The following CPD variants were observed in gnomAD, a reference collection of about 807,000 sequenced individuals.
CPD encodes carboxypeptidase D, also known as metallocarboxypeptidase D.
Under a neutral mutation model 138.3 loss-of-function variants are expected in CPD, and 69 were observed. That is an observed-to-expected ratio of 0.50 (90% CI 0.41 to 0.61). The LOEUF (loss-of-function observed/expected upper bound fraction) is 0.61. CPD is among the 20% of genes least tolerant of loss of function. The pLI, the probability that CPD is intolerant of heterozygous loss-of-function variation, is 0.00. For synonymous variants in CPD, 651 were observed against 642.1 expected, an observed-to-expected ratio of 1.01 and a Z score of -0.21; for missense variants, 1,432 against 1,733.3, an observed-to-expected ratio of 0.83 and a Z score of 3.09.
In CPD at chr17:30,464,734, T is replaced by C; in HGVS notation, c.4063T>C (p.Ser1355Pro). 6.2e-7 allele frequency: 1 copy of C among 1,613,954 alleles called. No individual in the cohort carries two copies. Among genetic ancestry groups the C allele is most frequent in the Non-Finnish European group, 8.5e-7 (1 of 1,179,906 alleles). The change falls in exon 21 of 21, where the codon TCC becomes CCC. Residue 1355 changes from serine to proline, a missense_variant. Transcript: ENST00000225719. ...EDEIRMMSTG[S>P]KKSLLSHEFQ... Reference sequence around the variant, plus strand: ...TGAAATTCGCATGATGTCTACCGGCTCCAAGAAGTCCCTCCTAAGCCATGA... The same window carrying C: ...TGAAATTCGCATGATGTCTACCGGCCCCAAGAAGTCCCTCCTAAGCCATGA...
intron 2 of CPD, among the ~76,000 whole-genome samples, chr17:30,397,498 C>T (rs1911539081): frequency 6.6e-6 from 1 of 151,810 alleles, no homozygotes; most frequent in African/African-American, 2.4e-5. Flanking sequence ...TTTGGGAGGC[C>T]GATGCAGAAG....
rs568335427 is a variant in CPD, at chr17:30,404,297, T to G, written c.995-16544T>G. ...GTCAAAATTCTTTTGAATCATTTAC[T>G]TAATACTTAAGTGAAAGGAAATTAT... On this transcript the variant is annotated intron_variant, in intron 2 of 20. Coordinates refer to ENST00000225719, the MANE Select transcript of CPD (RefSeq NM_001304.5). 2.0e-5 allele frequency among the ~76,000 whole-genome samples: 3 copies of G among 152,294 alleles called. No individual in the cohort carries two copies. In the East Asian group the frequency reaches 5.8e-4, roughly 29 times the overall value.
At position 30,379,007 on chromosome 17, in the gene CPD, G is replaced by T. The variant is rs1403310727; in HGVS notation, c.27G>T (p.Pro9=). MASGRDER[P]PWRLGRLLLL... is the part of the protein sequence containing the mutation. The stretch of plus-strand genomic sequence containing the variant: ...TGGCGAGCGGCCGGGACGAGCGGCC[G>T]CCTTGGCGGCTAGGGCGGCTCCTGT... Residue 9 remains proline (P), a synonymous_variant, in exon 1 of 21, where the codon CCG becomes CCT. Coordinates refer to ENST00000225719, the MANE Select transcript of CPD (RefSeq NM_001304.5). The surrounding 1 kb of genome is among the most constrained non-coding windows in gnomAD (Gnocchi z 7.0). 1.3e-6 allele frequency: 2 copies of T among 1,548,130 alleles called. No individual in the cohort carries two copies. Among genetic ancestry groups the T allele is most frequent in the African/African-American group, 1.4e-5 (1 of 70,140 alleles).
rs1242239716 is a variant in CPD at position 30,445,832 on chromosome 17, T to G, written c.2685T>G (p.Ser895Arg). The change falls in exon 12 of 21, where the codon AGT becomes AGG. Residue 895 changes from serine to arginine, a missense_variant. This residue lies in a region of CPD where 124 missense variants were observed against 117.0 expected (regional missense o/e 1.06). Transcript: ENST00000225719. ...KGASSSTNDA[S>R]DPTTKEFETL... ...CTAGCAGCAGCACCAATGATGCCAG[T>G]GATCCAACTACTAAAGAGTTTGAAA... The G allele has an allele frequency of 6.2e-7, 1 of 1,614,126 alleles. No homozygotes were observed. The highest frequency in any genetic ancestry group is 1.7e-5 in the Admixed American group (1 of 59,974).
chr17:30,391,305 A>G (rs1316903381), intron 2 of CPD, among the ~76,000 whole-genome samples: 3 of 152,152 alleles, frequency 2.0e-5, no homozygotes, highest in African/African-American at 7.2e-5. Context: ...CTTTTAAGCC[A>G]TGGCGTGTGC....
chr17:30,395,198 T>A (rs1468515007), intron 2 of CPD, among the ~76,000 whole-genome samples: 1 of 144,340 alleles, frequency 6.9e-6, no homozygotes, highest in Non-Finnish European at 1.5e-5. Flanking sequence ...GATGGGTGCT[T>A]TTTTTTTTTT....
chr17:30,409,965 C>G (rs969167464), intron 2 of CPD, among the ~76,000 whole-genome samples: 1 of 151,984 alleles, frequency 6.6e-6, no homozygotes, highest in Non-Finnish European at 1.5e-5. Context: ...TCAATTTTAG[C>G]TCTTTCCTGC....
Position 30,379,630 on chromosome 17 carries a change from A to G in CPD, c.650A>G (p.Asn217Ser), listed in dbSNP as rs1434725968. ...GRDNSRGRDL[N>S]RSFPDQFSTG... ...GACAATAGTCGCGGCCGCGACCTCA[A>G]CCGAAGCTTTCCCGACCAGTTTAGC... The change falls in exon 1 of 21, where the codon AAC becomes AGC. Residue 217 changes from asparagine (N) to serine (S), a missense_variant. By Grantham distance (46) the Asn-to-Ser change is conservative. Transcript: ENST00000225719. The surrounding 1 kb of genome is among the most constrained non-coding windows in gnomAD (Gnocchi z 7.0). 5 of 1,499,650 alleles carry G rather than the reference A, an allele frequency of 3.3e-6. No individual in the cohort carries two copies. Among genetic ancestry groups the G allele is most frequent in the Non-Finnish European group, 4.4e-6 (5 of 1,139,966 alleles). The allele number at this position is 1,499,650 out of a possible 1,614,324, so 92.9% of individuals were successfully genotyped here.
At chr17:30,402,003 C>T (rs1911686504) in intron 2 of CPD, among the ~76,000 whole-genome samples, 2 of 148,790 alleles carry the variant, frequency 1.3e-5, no homozygotes, top group Admixed American at 6.7e-5. Context: ...CCAGTGATAA[C>T]AATAGTAGGC....
At chr17:30,442,117 A>C (rs888968641) in intron 9 of CPD, among the ~76,000 whole-genome samples, 191 bp from the exon 10 acceptor site, 2 of 152,148 alleles carry the variant, frequency 1.3e-5, no homozygotes, top group African/African-American at 2.4e-5. Context: ...AAGAGATTCA[A>C]CTTCTTCCAC....
At chr17:30,457,099 A>G (rs893297104) in intron 17 of CPD, among the ~76,000 whole-genome samples, 1 of 152,086 alleles carries the variant, frequency 6.6e-6, no homozygotes, top group East Asian at 1.9e-4. Context: ...TTTGCCCCAG[A>G]CAGAAACTCT....
chr17:30,464,658 A>G lies in CPD; in HGVS notation c.3987A>G (p.Arg1329=), dbSNP rs749461656. Residue 1329 remains arginine, a synonymous_variant, in exon 21 of 21, where the codon AGA becomes AGG. Transcript: ENST00000225719. ...GCATCTGCTCAATCAAGTCTAATAG[A>G]CACAAGGATGGCTTTCATCGGCTCA... ...IWCICSIKSN[R]HKDGFHRLRQ... The G allele has an allele frequency of 1.2e-6, 2 of 1,613,990 alleles. No homozygotes were observed. The highest frequency in any genetic ancestry group is 1.7e-6 in the Non-Finnish European group (2 of 1,179,918).
At chr17:30,419,395 A>G (rs149290626) in intron 2 of CPD, among the ~76,000 whole-genome samples, 1,563 of 152,306 alleles carry the variant, frequency 0.01, 36 homozygotes, top group African/African-American at 0.036. Flanking sequence ...GCTGGAGTGC[A>G]GTGGCACTAT....
chr17:30,449,694 G>A lies in CPD; in HGVS notation c.3015G>A (p.Leu1005=). The stretch of plus-strand genomic sequence containing the variant: ...CGCCAGTTGGAACTGAACTGCTTTT[G>A]GCTCTGGCAGAATTTCTCTGCCTGA... The part of the protein sequence containing the change: ...GNAPVGTELL[L]ALAEFLCLNY... Residue 1005 remains leucine, a synonymous_variant, in exon 13 of 21, where the codon TTG becomes TTA. Coordinates refer to ENST00000225719, the MANE Select transcript of CPD (RefSeq NM_001304.5). The A allele has an allele frequency of 6.3e-7, 1 of 1,592,978 alleles. No individual in the cohort carries two copies. The highest frequency in any genetic ancestry group is 1.2e-5 in the South Asian group (1 of 86,478).
rs768499703 is a variant in CPD at position 30,379,398 on chromosome 17, G to T, written c.418G>T (p.Gly140Cys). 2.6e-6 allele frequency: 4 copies of T among 1,544,574 alleles called. No homozygotes were observed. The highest frequency in any genetic ancestry group is 3.5e-6 in the Non-Finnish European group (4 of 1,154,874). The change falls in exon 1 of 21, where the codon GGC becomes TGC. Residue 140 changes from glycine (G) to cysteine (C), a missense_variant. By Grantham distance (159) the Gly-to-Cys change is radical. This residue lies in a region of CPD where 484 missense variants were observed against 477.2 expected (regional missense o/e 1.01). Transcript: ENST00000225719. This position sits in a 1 kb window ranked among gnomAD's most constrained non-coding sequence, Gnocchi z 7.0. ...PQVKLVGNMH[G>C]DETVSRQVLI... ...GGTGAAGCTGGTGGGCAACATGCAT[G>T]GCGACGAGACCGTGTCGCGCCAGGT...
chr17:30,410,379 G>C (rs1911930428), intron 2 of CPD, among the ~76,000 whole-genome samples: 1 of 152,142 alleles, frequency 6.6e-6, no homozygotes, highest in Non-Finnish European at 1.5e-5. Flanking sequence ...AGGTCCACTT[G>C]GTGCAGAGCT....
intron 2 of CPD, among the ~76,000 whole-genome samples, chr17:30,416,567 G>A (rs931977582): frequency 6.6e-6 from 1 of 152,102 alleles, no homozygotes; most frequent in African/African-American, 2.4e-5. Flanking sequence ...AGAATCCCTC[G>A]ACCTCAACTT....
At position 30,378,934 on chromosome 17, in the gene CPD, G is replaced by C; in HGVS notation, c.-47G>C. The C allele has an allele frequency of 7.1e-7, 1 of 1,411,686 alleles. No individual in the cohort carries two copies. Among genetic ancestry groups the C allele is most frequent in the South Asian group, 1.6e-5 (1 of 64,384 alleles). 87.4% of individuals were successfully genotyped at this position (1,411,686 alleles called of 1,614,324 possible). ...ATCCGGCGGGCCCCCGCCGCCCGGA[G>C]CGCTGAGCCGCGGGAGCGGAGCCGG... is the stretch of plus-strand genomic sequence containing the variant. On this transcript the variant is annotated 5_prime_UTR_variant, in exon 1 of 21. Transcript: ENST00000225719.
chr17:30,453,420 G>C (rs1172680190), intron 14 of CPD, among the ~76,000 whole-genome samples: 2 of 152,210 alleles, frequency 1.3e-5, no homozygotes, highest in African/African-American at 4.8e-5. Context: ...TTTCTCCTTT[G>C]ACTCCATGTC....
Sources: gnomAD v4.1 joint callset for allele counts (sites outside exome capture counted in the v4.1 genomes callset) on GRCh38, gnomAD v4.1.1 for gene constraint, gnomAD v4.1.1 regional missense constraint, Gnocchi (gnomAD v3.1) non-coding constraint, MANE v1.5 for transcripts, NCBI Gene and HGNC (gene_info 2026-07-23, HGNC 2026-07-21) for gene names.